PUDP: variants seen among roughly 807,000 people sequenced by gnomAD.
PUDP encodes pseudouridine 5'-phosphatase.
Under a neutral mutation model 9.4 loss-of-function variants are expected in PUDP, and 8 were observed. The observed-to-expected ratio is 0.85, with a 90% confidence interval of 0.50 to 1.53. The LOEUF (loss-of-function observed/expected upper bound fraction) is 1.53, where lower values mean the gene tolerates loss of function less well. PUDP is among the 40% of genes most tolerant of loss of function. The probability of loss-of-function intolerance (pLI) is 0.00; values close to 1 mark genes in which losing one functional copy is unlikely to be tolerated. For missense variants in PUDP, 188 were observed against 189.7 expected, an observed-to-expected ratio of 0.99 and a Z score of 0.05; for synonymous variants, 99 against 80.7, an observed-to-expected ratio of 1.23 and a Z score of -1.22.
At chrX:6,716,992 C>G in intron 1 of PUDP, among the ~76,000 whole-genome samples, 1 of 111,307 alleles carries the variant, frequency 9.0e-6, no homozygotes, top group Middle Eastern at 4.6e-3. Context: ...GTGTCTTGAA[C>G]TCCTGGCCTC....
chrX:6,972,754 A>G, intron 3 of PUDP, among the ~76,000 whole-genome samples: 1 of 111,357 alleles, frequency 9.0e-6, no homozygotes. Context: ...CTCTTTTTCT[A>G]TTGTTTGGAA....
chrX:6,720,285 TATAC>T lies in PUDP; in HGVS notation n.128+1128_128+1131del, dbSNP rs1426090467. On this transcript the variant is annotated intron_variant and non_coding_transcript_variant, in intron 1 of 2. Coordinates refer to the PUDP transcript ENST00000438499. ...ATATATATATATATATATATATATA[TATAC>T]ACACACACACATAAATATGAATAGT... 5.4e-3 allele frequency among the ~76,000 whole-genome samples: 486 copies of T among 89,891 alleles called. 3 individuals are homozygous for T. Among genetic ancestry groups the T allele is most frequent in the African/African-American group, 0.02 (464 of 23,116 alleles). 78.1% of individuals were successfully genotyped at this position (89,891 alleles called of 115,157 possible).
At chrX:7,130,158 A>G (rs1433538172) in intron 1 of PUDP, among the ~76,000 whole-genome samples, 1 of 111,266 alleles carries the variant, frequency 9.0e-6, no homozygotes, top group Non-Finnish European at 1.9e-5. Context: ...CCCAGCTGGG[A>G]TGAGAAAAGG....
intron 3 of PUDP, among the ~76,000 whole-genome samples, chrX:6,900,562 A>AG (rs1927665680): frequency 9.3e-6 from 1 of 107,686 alleles, no homozygotes; most frequent in Non-Finnish European, 1.9e-5. Flanking sequence ...AGAGGGAGAG[A>AG]AGGAGAGAGG....
intron 1 of PUDP, chrX:6,721,298 AG>A (rs1428565702): frequency 5.3e-5 from 6 of 112,293 alleles, no homozygotes; most frequent in Non-Finnish European, 1.1e-4. Context: ...CACAGCAGAA[AG>A]CAATCTGCTC....
At chrX:7,050,774 G>A (rs1395037719) in intron 3 of PUDP, among the ~76,000 whole-genome samples, 1 of 112,320 alleles carries the variant, frequency 8.9e-6, no homozygotes, top group African/African-American at 3.2e-5. Flanking sequence ...TTATTTTATT[G>A]GGATCATAAC....
chrX:6,753,479 G>C (rs1356188533), intron 3 of PUDP, among the ~76,000 whole-genome samples: 1 of 110,934 alleles, frequency 9.0e-6, no homozygotes, highest in Non-Finnish European at 1.9e-5. Flanking sequence ...TTTCCTCTGG[G>C]TGGATAACCA....
chrX:7,050,308 G>A lies in PUDP; in HGVS notation c.675C>T (p.Pro225=), dbSNP rs760680411. Residue 225 remains proline (P), a synonymous_variant, in exon 4 of 4, where the codon CCC becomes CCT. Coordinates refer to ENST00000381077, the MANE Select transcript of PUDP (RefSeq NM_012080.5). ...GAGGCCCTCCCTCTCACTCATAGGAGGGCAAACCAAACAGCTCGGGCTGGA... is the reference window on the plus strand; with the variant it reads ...GAGGCCCTCCCTCTCACTCATAGGAAGGCAAACCAAACAGCTCGGGCTGGA... The part of the protein sequence containing the change: ...QDFQPELFGL[P]SYE 6 of 1,211,057 alleles carry A rather than the reference G, an allele frequency of 5.0e-6. No homozygotes were observed. Among genetic ancestry groups the A allele is most frequent in the Non-Finnish European group, 6.7e-6 (6 of 894,978 alleles).
chrX:6,709,485 C>A (rs1193774576), intron 1 of PUDP, among the ~76,000 whole-genome samples: 2 of 111,965 alleles, frequency 1.8e-5, no homozygotes, highest in Non-Finnish European at 3.8e-5. Context: ...ATCTCCCAGA[C>A]AAAAGGAATC....
intron 1 of PUDP, among the ~76,000 whole-genome samples, chrX:7,112,748 A>AC (rs760705230): frequency 3.7e-4 from 41 of 110,010 alleles, no homozygotes; most frequent in South Asian, 2.0e-3. Context: ...TGCAGCCCTG[A>AC]CCCCCCGGGC....
intron 3 of PUDP, among the ~76,000 whole-genome samples, chrX:6,773,399 T>A (rs753777179): frequency 8.9e-6 from 1 of 112,189 alleles, no homozygotes; most frequent in East Asian, 2.8e-4. Flanking sequence ...AGATAATTTC[T>A]AACATTTAGT....
intron 3 of PUDP, among the ~76,000 whole-genome samples, chrX:6,832,967 C>T (rs1245356109): frequency 1.9e-5 from 2 of 103,248 alleles, no homozygotes; most frequent in Non-Finnish European, 3.9e-5. Flanking sequence ...GCTCATGTCA[C>T]TCTCTCTCTC....
At chrX:6,767,385 A>G (rs1925298194) in intron 3 of PUDP, among the ~76,000 whole-genome samples, 1 of 112,763 alleles carries the variant, frequency 8.9e-6, no homozygotes, top group East Asian at 2.8e-4. Flanking sequence ...GAGGCCCTGC[A>G]ATGTCCTGAA....
intron 3 of PUDP, among the ~76,000 whole-genome samples, chrX:6,748,398 C>A (rs1327820780): frequency 8.9e-6 from 1 of 111,979 alleles, no homozygotes; most frequent in Admixed American, 9.5e-5. Flanking sequence ...CAAAATCAGT[C>A]AGATCCAACG....
At chrX:6,751,723 C>G (rs933679951) in intron 3 of PUDP, among the ~76,000 whole-genome samples, 2 of 111,486 alleles carry the variant, frequency 1.8e-5, no homozygotes, top group Non-Finnish European at 3.8e-5. Flanking sequence ...CTCCTCACTT[C>G]TCACCTCAGA....
intron 3 of PUDP, among the ~76,000 whole-genome samples, chrX:6,963,633 G>T (rs758006004): frequency 6.3e-5 from 7 of 111,810 alleles, no homozygotes; most frequent in Non-Finnish European, 1.1e-4. Flanking sequence ...AAACAAATAT[G>T]CAGGCTGTAA....
intron 1 of PUDP, among the ~76,000 whole-genome samples, chrX:7,129,414 T>G (rs1368035944): frequency 8.9e-6 from 1 of 112,007 alleles, no homozygotes; most frequent in African/African-American, 3.2e-5. Flanking sequence ...ACATGCCATG[T>G]TGGACCCGTG....
intron 1 of PUDP, among the ~76,000 whole-genome samples, chrX:7,111,700 G>A (rs1179638825): frequency 2.7e-5 from 3 of 111,799 alleles, no homozygotes; most frequent in Admixed American, 9.5e-5. Context: ...TTATAAGCCT[G>A]CTGGACCTTG....
chrX:6,818,625 C>A (rs781695033), intron 3 of PUDP, among the ~76,000 whole-genome samples: 90 of 112,191 alleles, frequency 8.0e-4, no homozygotes, highest in Non-Finnish European at 1.5e-3. Flanking sequence ...ATTGTGAAGT[C>A]CATACTGGAC....
Sources: allele counts gnomAD v4.1 joint callset (sites outside exome capture counted in the v4.1 genomes callset), GRCh38; gene constraint gnomAD v4.1.1; transcripts MANE v1.5; gene names NCBI Gene and HGNC (gene_info 2026-07-23, HGNC 2026-07-21).